The following GCNT1 variants were observed in gnomAD, a reference collection of about 807,000 sequenced individuals.
GCNT1 encodes glucosaminyl (N-acetyl) transferase 1.
Under a neutral mutation model 26.2 loss-of-function variants are expected in GCNT1, and 16 were observed. The ratio of observed to expected loss-of-function variants is 0.61; its 90% confidence interval spans 0.41 to 0.93. GCNT1 has a LOEUF of 0.93. GCNT1 is among the 40% of genes least tolerant of loss of function. The pLI is 0.00. For synonymous variants in GCNT1, 183 were observed against 190.8 expected, an observed-to-expected ratio of 0.96 and a Z score of 0.34; for missense variants, 477 against 526.7, an observed-to-expected ratio of 0.91 and a Z score of 0.92.
chr9:76,459,808 A>G (rs1823832776), intron 1 of GCNT1, among the ~76,000 whole-genome samples: 1 of 152,172 alleles, frequency 6.6e-6, no homozygotes, highest in African/African-American at 2.4e-5. Flanking sequence ...ATAAGAAAAG[A>G]GACGTTAGTT....
intron 2 of GCNT1, among the ~76,000 whole-genome samples, chr9:76,484,499 C>T: frequency 6.6e-6 from 1 of 151,942 alleles, no homozygotes; most frequent in East Asian, 1.9e-4. Context: ...GGAAGAATAA[C>T]AGTGTTTTTG....
At chr9:76,402,478 T>A in the GCNT1 span, among the ~76,000 whole-genome samples, 11 of 152,276 alleles carry the variant, frequency 7.2e-5, no homozygotes, top group African/African-American at 2.6e-4. Flanking sequence ...AACATTGTTA[T>A]TTTGCACCAA....
upstream of GCNT1, among the ~76,000 whole-genome samples, chr9:76,441,453 T>G (rs1823482949): frequency 6.6e-6 from 1 of 152,156 alleles, no homozygotes; most frequent in South Asian, 2.1e-4. Context: ...TCAGCCAGCA[T>G]CAGGATTTGT....
At chr9:76,485,367 T>G (rs1158106443) in intron 2 of GCNT1, among the ~76,000 whole-genome samples, 1 of 151,770 alleles carries the variant, frequency 6.6e-6, no homozygotes, top group Non-Finnish European at 1.5e-5. Flanking sequence ...AGAGACAGGG[T>G]TTTGCCGAGT....
At chr9:76,446,601 G>A (rs941892628) in intron 1 of GCNT1, among the ~76,000 whole-genome samples, 27 of 152,240 alleles carry the variant, frequency 1.8e-4, no homozygotes, top group African/African-American at 6.0e-4. Context: ...TTTTATATAT[G>A]TGTGAAGACA....
At chr9:76,489,624 T>G (rs958622069) in intron 2 of GCNT1, among the ~76,000 whole-genome samples, 1 of 152,186 alleles carries the variant, frequency 6.6e-6, no homozygotes, top group Non-Finnish European at 1.5e-5. Flanking sequence ...GATTGGTGCA[T>G]TTACAATCCT....
At chr9:76,442,863 A>T (rs1304876918) in intron 1 of GCNT1, among the ~76,000 whole-genome samples, 1 of 151,900 alleles carries the variant, frequency 6.6e-6, no homozygotes, top group East Asian at 1.9e-4. Context: ...TGAGCCAAGC[A>T]CTTTTATAGA....
intron 1 of GCNT1, among the ~76,000 whole-genome samples, chr9:76,442,523 A>C (rs1180069254): frequency 6.6e-6 from 1 of 152,168 alleles, no homozygotes; most frequent in South Asian, 2.1e-4. Context: ...TCTACTAAAA[A>C]TACAAAAATT....
the GCNT1 span, among the ~76,000 whole-genome samples, chr9:76,404,054 G>A: frequency 6.6e-6 from 1 of 152,158 alleles, no homozygotes; most frequent in Admixed American, 6.5e-5. Context: ...TTCTAAGGCA[G>A]GATTTACTGA....
chr9:76,466,482 T>C (rs1028994051), intron 2 of GCNT1, among the ~76,000 whole-genome samples: 1 of 152,180 alleles, frequency 6.6e-6, no homozygotes, highest in African/African-American at 2.4e-5. Context: ...ATTCTTTTTC[T>C]AGAGACGGGT....
intron 2 of GCNT1, among the ~76,000 whole-genome samples, chr9:76,462,292 C>G (rs759610494): frequency 2.0e-5 from 3 of 152,196 alleles, no homozygotes; most frequent in Non-Finnish European, 4.4e-5. Flanking sequence ...GTTCATATAA[C>G]CATATGTGTT....
Position 76,502,292 on chromosome 9 carries a change from A to G in GCNT1, c.-90A>G. ...CAGCTCTGATAAATGCAAACTGACA[A>G]CCTTCAAGGCCACGACGGAGGGAAA... is the stretch of plus-strand genomic sequence containing the variant. On this transcript the variant is annotated 5_prime_UTR_variant, in exon 4 of 4. Coordinates refer to ENST00000376730, the MANE Select transcript of GCNT1 (RefSeq NM_001490.5). 1 of 802,500 alleles carries G rather than the reference A, an allele frequency of 1.2e-6. No individual in the cohort carries two copies. The highest frequency in any genetic ancestry group is 2.0e-6 in the Non-Finnish European group (1 of 502,130). 49.7% of individuals were successfully genotyped at this position (802,500 alleles called of 1,614,324 possible).
intron 2 of GCNT1, among the ~76,000 whole-genome samples, chr9:76,468,830 G>A (rs1239340214): frequency 6.6e-6 from 1 of 152,114 alleles, no homozygotes; most frequent in Non-Finnish European, 1.5e-5. Context: ...GCTACCAAGG[G>A]GCATTTGGGA....
chr9:76,408,686 T>C, the GCNT1 span, among the ~76,000 whole-genome samples: 4 of 151,942 alleles, frequency 2.6e-5, no homozygotes, highest in Non-Finnish European at 5.9e-5. Context: ...CTATTTTCTT[T>C]TCTTCTTCTT....
intron 2 of GCNT1, among the ~76,000 whole-genome samples, chr9:76,468,330 A>T (rs1037832170): frequency 6.6e-6 from 1 of 152,192 alleles, no homozygotes; most frequent in Non-Finnish European, 1.5e-5. Context: ...GTTAGGAGCT[A>T]TAGAGTGTCA....
intron 2 of GCNT1, among the ~76,000 whole-genome samples, chr9:76,498,932 T>C (rs1201833791): frequency 1.3e-5 from 2 of 152,190 alleles, no homozygotes; most frequent in Non-Finnish European, 2.9e-5. Flanking sequence ...TGTATATATA[T>C]ACCTTTACTG....
chr9:76,471,170 T>G (rs1052930305), intron 2 of GCNT1, among the ~76,000 whole-genome samples: 12 of 152,158 alleles, frequency 7.9e-5, no homozygotes, highest in African/African-American at 2.4e-4. Flanking sequence ...GCTGCTGGAG[T>G]GCCCACCACC....
At chr9:76,499,069 T>G (rs769723186) in intron 2 of GCNT1, among the ~76,000 whole-genome samples, 18 of 152,016 alleles carry the variant, frequency 1.2e-4, no homozygotes, top group Non-Finnish European at 2.2e-4. Context: ...TTAATTTATC[T>G]GGGAGTATCC....
At chr9:76,474,428 A>G (rs1264076950) in intron 2 of GCNT1, among the ~76,000 whole-genome samples, 1 of 152,208 alleles carries the variant, frequency 6.6e-6, no homozygotes, top group East Asian at 1.9e-4. Flanking sequence ...AGCTATGAAT[A>G]TACAAAGCTA....
Sources: gnomAD v4.1 joint callset for allele counts (sites outside exome capture counted in the v4.1 genomes callset) on GRCh38, gnomAD v4.1.1 for gene constraint, MANE v1.5 for transcripts, NCBI Gene and HGNC (gene_info 2026-07-23, HGNC 2026-07-21) for gene names.